LEPR: variants seen among roughly 807,000 people sequenced by gnomAD.
The protein encoded by LEPR is OB receptor.
A neutral mutation model predicts 114.7 loss-of-function variants in LEPR; 56 were observed. That is an observed-to-expected ratio of 0.49 (90% confidence interval 0.39 to 0.61). The LOEUF (loss-of-function observed/expected upper bound fraction) is 0.61, where lower values mean the gene tolerates loss of function less well. Ranked by LOEUF, LEPR falls within the 20% of genes least tolerant of loss-of-function variation. The pLI is 0.00. For missense variants in LEPR, 1,202 were observed against 1,352.9 expected, an observed-to-expected ratio of 0.89 and a Z score of 1.75; for synonymous variants, 443 against 461.4, an observed-to-expected ratio of 0.96 and a Z score of 0.51.
intron 2 of LEPR, among the ~76,000 whole-genome samples, chr1:65,493,341 C>A (rs936557860): frequency 6.6e-6 from 1 of 151,982 alleles, no homozygotes; most frequent in Non-Finnish European, 1.5e-5. Flanking sequence ...ATAATTGATT[C>A]TCCACAATAG....
chr1:65,569,707 T>TAAAAAAA (rs199787348), intron 3 of LEPR, among the ~76,000 whole-genome samples: 2 of 92,464 alleles, frequency 2.2e-5, no homozygotes, highest in Admixed American at 1.2e-4. Flanking sequence ...AATTCCATCT[T>TAAAAAAA]AAAAAAAAAA....
rs1648018878 is a variant in LEPR, at chr1:65,494,039, T to C, written c.-21+68661T>C. The C allele has an allele frequency of 3.3e-5, 5 of 152,182 alleles. No homozygotes were observed. The South Asian group carries it at 1.0e-3, about 31-fold the overall frequency. 9.4% of individuals were successfully genotyped at this position (152,182 alleles called of 1,614,324 possible). ...TTTGCTTTTTGGCTTAACTGTTACA[T>C]GGTGCTATTGTTTTTGTTCTGGGAG... is the stretch of plus-strand genomic sequence containing the variant. On this transcript the variant is annotated intron_variant, in intron 2 of 19. Transcript: ENST00000349533.
At chr1:65,486,150 T>C (rs971012261) in intron 2 of LEPR, among the ~76,000 whole-genome samples, 4 of 152,172 alleles carry the variant, frequency 2.6e-5, no homozygotes, top group South Asian at 2.1e-4. Context: ...TTTTTCTTTA[T>C]GCAACTTTCA....
chr1:65,624,400 T>A (rs1329865054), intron 19 of LEPR, among the ~76,000 whole-genome samples: 2 of 152,184 alleles, frequency 1.3e-5, no homozygotes, highest in African/African-American at 4.8e-5. Flanking sequence ...TAACTTGTTT[T>A]AGAGGCAAGA....
At chr1:65,424,692 G>A (rs962924616) in intron 1 of LEPR, among the ~76,000 whole-genome samples, 1 of 152,226 alleles carries the variant, frequency 6.6e-6, no homozygotes, top group African/African-American at 2.4e-5. Context: ...GGTGCAGTCA[G>A]ATCTGGTGTC....
At chr1:65,571,167 G>T (rs1164727258) in intron 4 of LEPR, among the ~76,000 whole-genome samples, 2 of 151,994 alleles carry the variant, frequency 1.3e-5, no homozygotes, top group East Asian at 3.9e-4. Flanking sequence ...TTCAGGCAAG[G>T]AATATCTCTG....
intron 2 of LEPR, among the ~76,000 whole-genome samples, chr1:65,438,548 C>CAAA (rs1159617552): frequency 7.1e-4 from 48 of 67,736 alleles, no homozygotes; most frequent in Non-Finnish European, 1.0e-3. Flanking sequence ...GACTCTGTCT[C>CAAA]AAAAAAAAAA....
rs1478789601 is a variant in LEPR at position 65,431,902 on chromosome 1, A to G, written c.-21+6524A>G. On this transcript the variant is annotated intron_variant, in intron 2 of 19. Transcript: ENST00000349533. ...TATATTTGGAAGAGGAGATGATTTT[A>G]GCTGGGAGCAGTGGTAGCACTTTAT... The G allele has an allele frequency of 2.5e-5, 40 of 1,613,924 alleles. No individual in the cohort carries two copies. The highest frequency in any genetic ancestry group is 3.4e-5 in the Non-Finnish European group (40 of 1,179,976).
At chr1:65,514,488 T>C (rs1015254011) in intron 2 of LEPR, among the ~76,000 whole-genome samples, 1 of 152,240 alleles carries the variant, frequency 6.6e-6, no homozygotes, top group Admixed American at 6.6e-5. Context: ...ATGATTGTTG[T>C]AGATAAATTA....
At chr1:65,592,112 C>G (rs981893684) in intron 5 of LEPR, among the ~76,000 whole-genome samples, 3 of 151,966 alleles carry the variant, frequency 2.0e-5, no homozygotes, top group Admixed American at 6.6e-5. Context: ...GGTACTAATG[C>G]CATACATTTT....
At chr1:65,575,774 T>G (rs1356521489) in intron 5 of LEPR, among the ~76,000 whole-genome samples, 1 of 151,526 alleles carries the variant, frequency 6.6e-6, no homozygotes, top group Non-Finnish European at 1.5e-5. Context: ...GAACATCTGT[T>G]TGCTGAGTTT....
chr1:65,572,300 T>TG lies in LEPR; in HGVS notation c.371-26_371-25insG, dbSNP rs767256351. On this transcript the variant is annotated intron_variant, in intron 4 of 19. Coordinates refer to ENST00000349533, the MANE Select transcript of LEPR (RefSeq NM_002303.6). ...AGATTTCATGTAGTTGTTTTTTTTT[T>TG]TTTTTTTTTTTTTTTTTAAATTCAG... The TG allele has an allele frequency of 5.5e-3, 7,519 of 1,374,962 alleles. 11 individuals carry two copies. Among genetic ancestry groups the TG allele is most frequent in the Admixed American group, 0.011 (369 of 34,704 alleles). The allele number at this position is 1,374,962 out of a possible 1,614,324, so 85.2% of individuals were successfully genotyped here.
At chr1:65,509,080 T>G (rs79083021) in intron 2 of LEPR, among the ~76,000 whole-genome samples, 8,621 of 152,164 alleles carry the variant, frequency 0.057, 358 homozygotes, top group Middle Eastern at 0.095. Context: ...TTTTATTAAT[T>G]TTTTTGGTTA....
intron 2 of LEPR, among the ~76,000 whole-genome samples, chr1:65,524,147 G>A (rs1649784397): frequency 6.6e-6 from 1 of 152,216 alleles, no homozygotes; most frequent in South Asian, 2.1e-4. Context: ...TGAGCATTAA[G>A]TTTGTGGTAA....
chr1:65,532,894 TAGAC>T (rs990642358), intron 2 of LEPR, among the ~76,000 whole-genome samples: 10 of 152,232 alleles, frequency 6.6e-5, no homozygotes, highest in African/African-American at 2.4e-4. Flanking sequence ...ATTTTGAAAT[TAGAC>T]AGTGGTGATG....
chr1:65,516,541 C>G (rs748546396), intron 2 of LEPR, among the ~76,000 whole-genome samples: 1 of 152,182 alleles, frequency 6.6e-6, no homozygotes, highest in Non-Finnish European at 1.5e-5. Flanking sequence ...GCCATTTACT[C>G]AAATAAGCAA....
chr1:65,632,138 A>C (rs1437555222), intron 19 of LEPR, among the ~76,000 whole-genome samples: 8 of 152,114 alleles, frequency 5.3e-5, no homozygotes. Flanking sequence ...AGGCCTCCAA[A>C]TAAAGCAGCT....
intron 2 of LEPR, among the ~76,000 whole-genome samples, chr1:65,463,073 G>A (rs567580531): frequency 5.3e-5 from 8 of 152,264 alleles, no homozygotes; most frequent in African/African-American, 1.9e-4. Context: ...CTTTGCCCAT[G>A]CCTATGTCCT....
intron 19 of LEPR, among the ~76,000 whole-genome samples, chr1:65,629,749 A>G (rs899173839): frequency 2.7e-5 from 4 of 147,842 alleles, no homozygotes; most frequent in Admixed American, 6.8e-5. Flanking sequence ...TATATAATCT[A>G]TGCTGTTATG....
Sources: allele counts gnomAD v4.1 joint callset (sites outside exome capture counted in the v4.1 genomes callset), GRCh38; gene constraint gnomAD v4.1.1; transcripts MANE v1.5; gene names NCBI Gene and HGNC (gene_info 2026-07-23, HGNC 2026-07-21).